The following SHD variants were observed in gnomAD, a reference collection of about 807,000 sequenced individuals.
The protein encoded by SHD is SH2 domain-containing adapter protein D.
SHD carries 29 observed loss-of-function variants against 31.2 expected under a neutral mutation model. That is an observed-to-expected ratio of 0.93 (90% confidence interval 0.69 to 1.27). SHD has a LOEUF of 1.27. Among genes scored for constraint, SHD ranks in the 50% most tolerant of loss-of-function variants. The pLI, the probability that SHD is intolerant of heterozygous loss-of-function variation, is 0.00. For missense variants in SHD, 520 were observed against 453.8 expected, an observed-to-expected ratio of 1.15 and a Z score of -1.33; for synonymous variants, 208 against 187.8, an observed-to-expected ratio of 1.11 and a Z score of -0.88.
rs757858831 is a variant in SHD, at chr19:4,283,157, G to A, written c.507G>A (p.Arg169=). The A allele has an allele frequency of 1.3e-5, 21 of 1,614,148 alleles. No individual in the cohort carries two copies. The East Asian group carries it at 4.2e-4, about 33-fold the overall frequency. The part of the protein sequence containing the change: ...PPSGQKPRQS[R]MPQEDERPAD... ...CTGGGCAGAAGCCTCGGCAGAGCCG[G>A]ATGCCCCAGGAAGATGAACGGCCAG... Residue 169 remains arginine, a synonymous_variant, in exon 3 of 6, where the codon CGG becomes CGA. Transcript: ENST00000543264.
chr19:4,286,288 T>TTTCCTTCCTTCCTTCCTTCCTTCC (rs199916938), intron 4 of SHD, among the ~76,000 whole-genome samples: 4 of 113,408 alleles, frequency 3.5e-5, no homozygotes, highest in African/African-American at 1.4e-4. Flanking sequence ...TCTTTTTTTC[T>TTTCCTTCCTTCCTTCCTTCCTTCC]TTCCTTCCTT....
Position 4,290,647 on chromosome 19 carries a change from C to G in SHD, c.*14C>G, listed in dbSNP as rs371396389. ...CAGACCCCCTGACAGTGACCCTCGG[C>G]CCCCTTTTGAGTCCTCGGGCCCAGA... On this transcript the variant is annotated 3_prime_UTR_variant, in exon 6 of 6. Coordinates refer to ENST00000543264, the MANE Select transcript of SHD (RefSeq NM_020209.4). 1 of 1,577,290 alleles carries G rather than the reference C, an allele frequency of 6.3e-7. No homozygotes were observed. Among genetic ancestry groups the G allele is most frequent in the South Asian group, 1.1e-5 (1 of 87,472 alleles).
intron 1 of SHD, 95 bp from the exon 2 acceptor site, chr19:4,282,775 T>C: frequency 1.5e-6 from 1 of 686,110 alleles, no homozygotes. Context: ...CTTGGAGAGG[T>C]GTCAGATGGC....
Position 4,288,362 on chromosome 19 carries a change from G to A in SHD, c.836G>A (p.Arg279Lys), listed in dbSNP as rs564897784. ...CCCCAGGACTGCTCCTTGTCTCTCA[G>A]GTGAGAACTCAGCCTCACAGGGACG... ...TNPQDCSLSL[R>K]SSQGFLHLKF... The change falls in exon 5 of 6, where the codon AGG becomes AAG. Residue 279 changes from arginine to lysine, a missense_variant and splice_region_variant. Transcript: ENST00000543264. 1.6e-5 allele frequency: 25 copies of A among 1,612,284 alleles called. No individual in the cohort carries two copies. The highest frequency in any genetic ancestry group is 3.4e-5 in the Admixed American group (2 of 59,626).
intron 4 of SHD, among the ~76,000 whole-genome samples, chr19:4,285,966 A>C (rs1971305815): frequency 7.7e-6 from 1 of 130,240 alleles, no homozygotes; most frequent in African/African-American, 3.0e-5. Flanking sequence ...ATCTCAGCTC[A>C]CTGCAACCTC....
intron 5 of SHD, 143 bp downstream of exon 5, chr19:4,288,505 A>T (rs2144721064): frequency 3.9e-4 from 245 of 624,382 alleles, no homozygotes; most frequent in East Asian, 9.9e-4. Context: ...TTCTAGGAGA[A>T]GGGGTGGGAG....
At chr19:4,284,733 C>T in intron 3 of SHD, 48 bp from the exon 4 acceptor site, 1 of 1,464,062 alleles carries the variant, frequency 6.8e-7, no homozygotes, top group South Asian at 1.5e-5. Flanking sequence ...GCCCCGCCCC[C>T]CAAGGTAGGC....
chr19:4,285,271 A>G (rs910786597), intron 4 of SHD, among the ~76,000 whole-genome samples: 2 of 152,196 alleles, frequency 1.3e-5, no homozygotes. Context: ...CTCAGAGCCA[A>G]GAGACAGAAA....
intron 4 of SHD, among the ~76,000 whole-genome samples, chr19:4,287,094 G>A (rs551618004): frequency 1.1e-4 from 17 of 152,240 alleles, no homozygotes; most frequent in African/African-American, 4.1e-4. Flanking sequence ...AGCACTTTGG[G>A]AGGCCGAGGT....
chr19:4,289,705 G>A (rs1232046018), intron 5 of SHD, among the ~76,000 whole-genome samples: 1 of 150,868 alleles, frequency 6.6e-6, no homozygotes, highest in Non-Finnish European at 1.5e-5. Flanking sequence ...CGAGTAGCTG[G>A]GACTACAGGC....
chr19:4,284,996 G>C (rs1306553736), intron 4 of SHD, 92 bp downstream of exon 4: 2 of 1,332,264 alleles, frequency 1.5e-6, no homozygotes, highest in Admixed American at 2.7e-5. Flanking sequence ...TCCCAGATTA[G>C]AGGAACTGGG....
chr19:4,286,263 C>CT (rs1455366899), intron 4 of SHD, among the ~76,000 whole-genome samples: 2 of 106,518 alleles, frequency 1.9e-5, no homozygotes, highest in African/African-American at 6.4e-5. Context: ...TTCTTTCTCT[C>CT]TTTCTTTCTT....
chr19:4,289,760 A>T (rs1404997101), intron 5 of SHD, among the ~76,000 whole-genome samples: 2 of 149,916 alleles, frequency 1.3e-5, no homozygotes, highest in East Asian at 4.0e-4. Flanking sequence ...TTTAGTAGAC[A>T]CGGGGTTTCA....
At chr19:4,285,402 G>A (rs1226144637) in intron 4 of SHD, among the ~76,000 whole-genome samples, 1 of 152,160 alleles carries the variant, frequency 6.6e-6, no homozygotes, top group Non-Finnish European at 1.5e-5. Context: ...TGTCCTTCCA[G>A]CCTGGGCGCT....
intron 1 of SHD, 30 bp from the exon 2 acceptor site, chr19:4,282,840 C>G (rs1298649353): frequency 1.2e-6 from 2 of 1,608,370 alleles, no homozygotes; most frequent in Non-Finnish European, 1.7e-6. Flanking sequence ...CCTCTGAGTC[C>G]TTGTCTTCTC....
chr19:4,279,721 C>A lies in SHD; in HGVS notation c.-343C>A, dbSNP rs1230181613. 1 of 239,168 alleles carries A rather than the reference C, an allele frequency of 4.2e-6. No individual in the cohort carries two copies. The highest frequency in any genetic ancestry group is 8.3e-5 in the East Asian group (1 of 11,992). 14.8% of individuals were successfully genotyped at this position (239,168 alleles called of 1,614,324 possible). A position where few individuals can be genotyped will look rare whatever the true frequency, so the allele number is the denominator to read the frequency against. On this transcript the variant is annotated 5_prime_UTR_variant, in exon 1 of 6. Transcript: ENST00000543264. This position sits in a 1 kb window ranked among gnomAD's most constrained non-coding sequence, Gnocchi z 7.5. ...TGTCGCTCCAGGGAACCGCGCTGCC[C>A]GCGGAAACTCCGCGCGCCTCCGCGG... is the stretch of plus-strand genomic sequence containing the variant.
intron 4 of SHD, among the ~76,000 whole-genome samples, chr19:4,286,447 C>G (rs892050661): frequency 1.3e-5 from 2 of 151,644 alleles, no homozygotes; most frequent in East Asian, 1.9e-4. Flanking sequence ...TGGGATCAAG[C>G]GATCCTCCAG....
At chr19:4,284,703 G>T (rs377756055) in intron 3 of SHD, 78 bp from the exon 4 acceptor site, 1 of 1,374,024 alleles carries the variant, frequency 7.3e-7, no homozygotes, top group East Asian at 2.7e-5. Context: ...TTTCTACCGA[G>T]ATTCCATTGG....
intron 1 of SHD, among the ~76,000 whole-genome samples, chr19:4,282,585 G>A (rs1255142115): frequency 2.0e-5 from 3 of 151,686 alleles, no homozygotes; most frequent in East Asian, 1.9e-4. Context: ...GCATGGTGGC[G>A]GGCGCCTGTA....
Sources: gnomAD v4.1 joint callset for allele counts (sites outside exome capture counted in the v4.1 genomes callset) on GRCh38, gnomAD v4.1.1 for gene constraint, Gnocchi (gnomAD v3.1) non-coding constraint, MANE v1.5 for transcripts, NCBI Gene and HGNC (gene_info 2026-07-23, HGNC 2026-07-21) for gene names.